The following SULT2B1 variants were observed in gnomAD, a reference collection of about 807,000 sequenced individuals.
SULT2B1 encodes sulfotransferase family 2B member 1.
In SULT2B1, 16 loss-of-function variants were observed where a neutral mutation model predicts 33.2. The observed-to-expected ratio is 0.48, with a 90% CI of 0.33 to 0.73. The LOEUF (loss-of-function observed/expected upper bound fraction) is 0.73. SULT2B1 is among the 30% of genes least tolerant of loss of function. The pLI is 0.02. For missense variants in SULT2B1, 500 were observed against 506.0 expected (o/e 0.99, Z 0.11); for synonymous variants, 186 against 200.5 (o/e 0.93, Z 0.61).
intron 1 of SULT2B1, among the ~76,000 whole-genome samples, chr19:48,553,081 C>A (rs901945895): frequency 6.6e-6 from 1 of 152,100 alleles, no homozygotes; most frequent in African/African-American, 2.4e-5. Context: ...CCCCTTTACA[C>A]CCCTCCCCGT....
At chr19:48,568,951 CTT>C (rs764259657) in intron 1 of SULT2B1, among the ~76,000 whole-genome samples, 1 of 152,196 alleles carries the variant, frequency 6.6e-6, no homozygotes, top group Non-Finnish European at 1.5e-5. Context: ...TACCTTCAGT[CTT>C]TGCTCAGATG....
At chr19:48,565,387 GGA>G (rs150427963) in intron 1 of SULT2B1, among the ~76,000 whole-genome samples, 1 of 151,090 alleles carries the variant, frequency 6.6e-6, no homozygotes, top group East Asian at 1.9e-4. Context: ...ACAGAGAGAT[GGA>G]GAGAGAGAGA....
chr19:48,587,495 G>C (rs1167206436), intron 3 of SULT2B1, 58 bp downstream of exon 3: 28 of 1,571,650 alleles, frequency 1.8e-5, no homozygotes, highest in Non-Finnish European at 2.3e-5. Context: ...TGGGGTAATG[G>C]GGGGACGGAG....
intron 1 of SULT2B1, among the ~76,000 whole-genome samples, chr19:48,561,295 G>A (rs940022195): frequency 5.3e-5 from 8 of 151,912 alleles, no homozygotes; most frequent in Non-Finnish European, 5.9e-5. Context: ...GGTCGTGGTG[G>A]CACATGCCTG....
At chr19:48,596,531 C>T (rs1372331539) in intron 5 of SULT2B1, 7 of 565,056 alleles carry the variant, frequency 1.2e-5, no homozygotes, top group Non-Finnish European at 2.2e-5. Context: ...TTCCCTCCCA[C>T]CTAGAGAACC....
At chr19:48,567,346 G>A (rs1052950803) in intron 1 of SULT2B1, among the ~76,000 whole-genome samples, 3 of 151,006 alleles carry the variant, frequency 2.0e-5, no homozygotes, top group African/African-American at 4.9e-5. Flanking sequence ...GGCAGATCAC[G>A]AGGTCAGGAG....
chr19:48,560,765 A>T (rs755083093), intron 1 of SULT2B1, among the ~76,000 whole-genome samples: 5 of 151,846 alleles, frequency 3.3e-5, no homozygotes, highest in Admixed American at 6.6e-5. Flanking sequence ...GTTCGAGACC[A>T]GCCTGGCCAA....
At chr19:48,591,527 G>A in intron 3 of SULT2B1, 82 bp from the exon 4 acceptor site, 2 of 1,483,736 alleles carry the variant, frequency 1.3e-6, no homozygotes, top group Non-Finnish European at 1.8e-6. Flanking sequence ...GAAGAGAGGG[G>A]TCTCCAGGGC....
At chr19:48,592,648 A>G in intron 4 of SULT2B1, 74 bp from the exon 5 acceptor site, 1 of 1,305,674 alleles carries the variant, frequency 7.7e-7, no homozygotes, top group South Asian at 1.3e-5. Context: ...ACAGCTAGTT[A>G]GACCCATGAG....
intron 1 of SULT2B1, among the ~76,000 whole-genome samples, chr19:48,560,492 C>T (rs1312889071): frequency 6.6e-6 from 1 of 151,946 alleles, no homozygotes; most frequent in African/African-American, 2.4e-5. Context: ...GGGGACTTGT[C>T]ACCCTTATGG....
At chr19:48,571,705 G>A (rs1181131021) in intron 1 of SULT2B1, among the ~76,000 whole-genome samples, 2 of 138,574 alleles carry the variant, frequency 1.4e-5, no homozygotes, top group East Asian at 4.0e-4. Context: ...CGGAGAAGAT[G>A]GTCAATAAAC....
Position 48,582,199 on chromosome 19 carries a change from C to T in SULT2B1, c.215-5030C>T, listed in dbSNP as rs527818966. Among the ~76,000 whole-genome samples, 5 of 152,284 alleles carry T rather than the reference C, an allele frequency of 3.3e-5. No homozygotes were observed. In the South Asian group the frequency reaches 1.0e-3, roughly 32 times the overall value. On this transcript the variant is annotated intron_variant, in intron 2 of 6. Transcript: ENST00000201586. ...GGATTACAGGCGTGAGCCACTGTGACCAGCCTTGATTTTGCTTATGTTTTT... is the reference window on the plus strand; with the variant it reads ...GGATTACAGGCGTGAGCCACTGTGATCAGCCTTGATTTTGCTTATGTTTTT...
rs1394266975 is a variant in SULT2B1 at position 48,552,774 on chromosome 19, C to T, written c.71+451C>T. Among the ~76,000 whole-genome samples the T allele has an allele frequency of 1.3e-5, 2 of 152,034 alleles. No homozygotes were observed. Among genetic ancestry groups the T allele is most frequent in the Non-Finnish European group, 2.9e-5 (2 of 67,988 alleles). ...GAGAGACTGGGATGCTGCTGAGACC[C>T]CCAGAGGGAGAAGCTGTGTTCTAGG... On this transcript the variant is annotated intron_variant, in intron 1 of 6. Coordinates refer to ENST00000201586, the MANE Select transcript of SULT2B1 (RefSeq NM_177973.2). The surrounding 1 kb of genome is among the most constrained non-coding windows in gnomAD (Gnocchi z 4.8).
chr19:48,553,112 C>T (rs956532667), intron 1 of SULT2B1, among the ~76,000 whole-genome samples: 5 of 151,856 alleles, frequency 3.3e-5, no homozygotes, highest in African/African-American at 4.8e-5. Context: ...TTTAGGGGAG[C>T]GCAGAGGCCC....
At chr19:48,554,104 C>T (rs1973062438) in intron 1 of SULT2B1, among the ~76,000 whole-genome samples, 1 of 152,104 alleles carries the variant, frequency 6.6e-6, no homozygotes, top group Non-Finnish European at 1.5e-5. Context: ...GAGAATAGCC[C>T]TCCCCTGCAA....
At chr19:48,565,632 G>A (rs1037362402) in intron 1 of SULT2B1, among the ~76,000 whole-genome samples, 2 of 151,902 alleles carry the variant, frequency 1.3e-5, no homozygotes, top group African/African-American at 4.8e-5. Context: ...TGCCTGCCTC[G>A]GCCTTCCAAA....
chr19:48,580,493 C>T (rs1973472397), intron 2 of SULT2B1, among the ~76,000 whole-genome samples: 1 of 152,108 alleles, frequency 6.6e-6, no homozygotes, highest in Admixed American at 6.6e-5. Flanking sequence ...CTCCTCACCT[C>T]AGTCAATCTA....
At chr19:48,594,935 T>A (rs1234110415) in intron 5 of SULT2B1, among the ~76,000 whole-genome samples, 1 of 151,844 alleles carries the variant, frequency 6.6e-6, no homozygotes, top group Non-Finnish European at 1.5e-5. Flanking sequence ...GGCAGGAGAA[T>A]CACTGGAACC....
Position 48,552,384 on chromosome 19 carries a change from A to G in SULT2B1, c.71+61A>G. On this transcript the variant is annotated intron_variant, in intron 1 of 6. Coordinates refer to ENST00000201586, the MANE Select transcript of SULT2B1 (RefSeq NM_177973.2). This position sits in a 1 kb window ranked among gnomAD's most constrained non-coding sequence, Gnocchi z 4.8. ...CAGGGAGGAGGTGGCTGTTTGGGGG[A>G]GCCGGGGACTGTGGCAAGGGTGGCC... The G allele has an allele frequency of 6.3e-7, 1 of 1,575,152 alleles. No individual in the cohort carries two copies. The highest frequency in any genetic ancestry group is 8.7e-7 in the Non-Finnish European group (1 of 1,154,298).
Sources: allele counts gnomAD v4.1 joint callset (sites outside exome capture counted in the v4.1 genomes callset), GRCh38; gene constraint gnomAD v4.1.1; non-coding constraint Gnocchi (gnomAD v3.1); transcripts MANE v1.5; gene names NCBI Gene and HGNC (gene_info 2026-07-23, HGNC 2026-07-21).